SCAP: variants seen among roughly 807,000 people sequenced by gnomAD.
SCAP encodes sterol regulatory element-binding protein cleavage-activating protein.
SCAP carries 65 observed loss-of-function variants against 123.6 expected under a neutral mutation model. The observed-to-expected ratio is 0.53, with a 90% CI of 0.43 to 0.65. The LOEUF (loss-of-function observed/expected upper bound fraction) is 0.65, where lower values mean the gene tolerates loss of function less well. SCAP is among the 30% of genes least tolerant of loss of function. The pLI, the probability that SCAP is intolerant of heterozygous loss-of-function variation, is 0.00. For synonymous variants in SCAP, 740 were observed against 726.3 expected, an observed-to-expected ratio of 1.02 and a Z score of -0.30; for missense variants, 1,398 against 1,712.5, an observed-to-expected ratio of 0.82 and a Z score of 3.24.
chr3:47,462,329 GCCTCTGCCCCATCAGCTATACAA>G (rs760585816), intron 1 of SCAP, among the ~76,000 whole-genome samples: 1 of 152,052 alleles, frequency 6.6e-6, no homozygotes, highest in African/African-American at 2.4e-5. Context: ...TCATCTGACA[GCCTCTGCCCCATCAGCTATACAA>G]CCTCTGCCCC....
intron 2 of SCAP, among the ~76,000 whole-genome samples, chr3:47,435,787 G>A (rs571305080): frequency 1.5e-3 from 234 of 152,246 alleles, no homozygotes; most frequent in Non-Finnish European, 2.9e-3. Flanking sequence ...AGTGGGTTAT[G>A]CCTGTAACCC....
chr3:47,470,203 T>C (rs1707978997), intron 1 of SCAP, among the ~76,000 whole-genome samples: 2 of 152,190 alleles, frequency 1.3e-5, no homozygotes, highest in African/African-American at 4.8e-5. Context: ...CCATTACCAG[T>C]CTTATTGCTG....
rs1188992532 is a variant in SCAP, at chr3:47,469,994, A to C, written c.-99+5805T>G. ...AAATGCTTTTAAATTAAAATAACCA[A>C]GGCATTCGAACAAAATATCGTTTGG... On this transcript the variant is annotated intron_variant, in intron 1 of 22. Transcript: ENST00000265565. 9.0e-6 allele frequency: 3 copies of C among 332,248 alleles called. No individual in the cohort carries two copies. In the East Asian group the frequency reaches 2.3e-4, roughly 26 times the overall value. 20.6% of individuals were successfully genotyped at this position (332,248 alleles called of 1,614,324 possible). A position where few individuals can be genotyped will look rare whatever the true frequency, so the allele number is the denominator to read the frequency against.
At chr3:47,446,412 C>CT (rs1707044480) in intron 1 of SCAP, among the ~76,000 whole-genome samples, 1 of 152,062 alleles carries the variant, frequency 6.6e-6, no homozygotes, top group Admixed American at 6.5e-5. Context: ...ACCTCATGAT[C>CT]TGCCCTCCTT....
chr3:47,424,852 T>C (rs567068047), intron 8 of SCAP, among the ~76,000 whole-genome samples: 6 of 152,168 alleles, frequency 3.9e-5, no homozygotes, highest in South Asian at 2.1e-4. Flanking sequence ...TAACCATTAA[T>C]AGACAGGCAG....
At position 47,415,204 on chromosome 3, in the gene SCAP, G is replaced by A. The variant is rs373086632; in HGVS notation, c.3057-24C>T. On this transcript the variant is annotated intron_variant, in intron 18 of 22. Coordinates refer to ENST00000265565, the MANE Select transcript of SCAP (RefSeq NM_012235.4). ...TCCTGGAAGAGAAGAACAGCTGCCAGGGGCCTCTCCCTTAGAGCCCCAGCC... is the reference window on the plus strand; with the variant it reads ...TCCTGGAAGAGAAGAACAGCTGCCAAGGGCCTCTCCCTTAGAGCCCCAGCC... 95 of 1,595,144 alleles carry A rather than the reference G, an allele frequency of 6.0e-5. 1 individual carries two copies. In the African/African-American group the frequency reaches 1.1e-3, roughly 19 times the overall value.
chr3:47,442,734 C>T, intron 2 of SCAP, 138 bp downstream of exon 2: 2 of 712,258 alleles, frequency 2.8e-6, no homozygotes, highest in Non-Finnish European at 4.7e-6. Context: ...TAGAGTTCTC[C>T]ACTCACAGTT....
rs1201740098 is a variant in SCAP at position 47,445,897 on chromosome 3, G to A, written c.-98-2806C>T. Among the ~76,000 whole-genome samples the A allele has an allele frequency of 4.4e-5, 6 of 135,096 alleles. No individual in the cohort carries two copies. In the South Asian group the frequency reaches 1.4e-3, roughly 32 times the overall value. 88.6% of individuals were successfully genotyped at this position (135,096 alleles called of 152,430 possible). A position where few individuals can be genotyped will look rare whatever the true frequency, so the allele number is the denominator to read the frequency against. On this transcript the variant is annotated intron_variant, in intron 1 of 22. Transcript: ENST00000265565. Reference sequence around the variant, plus strand: ...CAATTTTTTTTTTTTTTTTTTTTGAGACAGAGTCTTGCTCTGTCACCAGGC... The same window carrying A: ...CAATTTTTTTTTTTTTTTTTTTTGAAACAGAGTCTTGCTCTGTCACCAGGC...
rs576504539 is a variant in SCAP, at chr3:47,424,705, T to G, written c.1038-660A>C. ...GCAGACGGTATGGGGGAGGGTGGTGTTTAACAGTGTCAAGCTCAGGAAAGG... is the reference window on the plus strand; with the variant it reads ...GCAGACGGTATGGGGGAGGGTGGTGGTTAACAGTGTCAAGCTCAGGAAAGG... On this transcript the variant is annotated intron_variant, in intron 8 of 22. Transcript: ENST00000265565. Among the ~76,000 whole-genome samples, 5 of 152,170 alleles carry G rather than the reference T, an allele frequency of 3.3e-5. No homozygotes were observed. The East Asian group carries it at 5.8e-4, about 18-fold the overall frequency.
At chr3:47,441,999 C>G (rs1706827318) in intron 2 of SCAP, among the ~76,000 whole-genome samples, 1 of 151,368 alleles carries the variant, frequency 6.6e-6, no homozygotes, top group African/African-American at 2.4e-5. Context: ...AGCACTGCAC[C>G]TGGCCAAAGT....
Position 47,418,473 on chromosome 3 carries a change from G to A in SCAP, c.2179C>T (p.Leu727Phe). The A allele has an allele frequency of 3.1e-6, 5 of 1,599,986 alleles. No homozygotes were observed. Among genetic ancestry groups the A allele is most frequent in the Non-Finnish European group, 4.3e-6 (5 of 1,175,376 alleles). ...ATGIVLVLLL[L>F]CLYRVLCPRN... The stretch of plus-strand genomic sequence containing the variant: ...GGGCATAGCACGCGGTAGAGGCAGA[G>A]CAGCAGCAGCACCAAGACGATGCCG... The change falls in exon 15 of 23, where the codon CTC (leucine) becomes TTC (phenylalanine). Residue 727 changes from leucine to phenylalanine, a missense_variant. Leu to Phe is a conservative substitution (Grantham distance 22). Around this residue, in one of 7 missense-constraint regions of SCAP, gnomAD observed 828 missense variants for 882.5 expected, o/e 0.94. Coordinates refer to ENST00000265565, the MANE Select transcript of SCAP (RefSeq NM_012235.4).
rs375803328 is a variant in SCAP at position 47,423,928 on chromosome 3, G to A, written c.1150+5C>T. The A allele has an allele frequency of 6.2e-5, 100 of 1,609,614 alleles. No homozygotes were observed. In the African/African-American group the frequency reaches 1.2e-3, roughly 19 times the overall value. On this transcript the variant is annotated splice_donor_5th_base_variant and intron_variant, in intron 9 of 22. Transcript: ENST00000265565. Reference sequence around the variant, plus strand: ...GCCCTCTGCCCAACTCTCCCACTGCGTTACCTTGGGCGATCCGCAGCTTCA... The same window carrying A: ...GCCCTCTGCCCAACTCTCCCACTGCATTACCTTGGGCGATCCGCAGCTTCA...
At position 47,425,624 on chromosome 3, in the gene SCAP, G is replaced by A. The variant is rs375455456; in HGVS notation, c.911-13C>T. On this transcript the variant is annotated splice_polypyrimidine_tract_variant and intron_variant, in intron 7 of 22. Transcript: ENST00000265565. ...ATGTCGATCTTCCCTGGAGGGCAGAGAGGGCGTATCAGGGCGGCCCCTCCC... is the reference window on the plus strand; with the variant it reads ...ATGTCGATCTTCCCTGGAGGGCAGAAAGGGCGTATCAGGGCGGCCCCTCCC... 3.3e-5 allele frequency: 54 copies of A among 1,613,584 alleles called. No individual in the cohort carries two copies. The African/African-American group carries it at 6.9e-4, about 21-fold the overall frequency.
rs193098010 is a variant in SCAP, at chr3:47,446,122, C to A, written c.-98-3031G>T. On this transcript the variant is annotated intron_variant, in intron 1 of 22. Coordinates refer to ENST00000265565, the MANE Select transcript of SCAP (RefSeq NM_012235.4). ...ATCTCTTGACCTCGTGATCTGACCG[C>A]CTCAGCCTCCCAAAGTGCTGAGATT... 4.5e-3 allele frequency among the ~76,000 whole-genome samples: 684 copies of A among 151,510 alleles called. 8 individuals are homozygous for A. Among genetic ancestry groups the A allele is most frequent in the Middle Eastern group, 0.017 (5 of 294 alleles).
At chr3:47,445,931 G>C (rs1161205448) in intron 1 of SCAP, among the ~76,000 whole-genome samples, 3 of 145,286 alleles carry the variant, frequency 2.1e-5, no homozygotes, top group South Asian at 4.4e-4. Flanking sequence ...GCTGGAGTGC[G>C]GTGGTGCGAT....
Position 47,448,024 on chromosome 3 carries a change from A to C in SCAP, c.-98-4933T>G, listed in dbSNP as rs1251146499. ...TCTCAAAAAAAAAAAAAAAAAAAAA[A>C]AAAAAAAAACTTGATAGAATTTTGA... is the stretch of plus-strand genomic sequence containing the variant. On this transcript the variant is annotated intron_variant, in intron 1 of 22. Transcript: ENST00000265565. Among the ~76,000 whole-genome samples, 5 of 151,650 alleles carry C rather than the reference A, an allele frequency of 3.3e-5. No individual in the cohort carries two copies. The South Asian group carries it at 6.2e-4, about 19-fold the overall frequency.
chr3:47,464,241 C>A (rs900050002), intron 1 of SCAP, among the ~76,000 whole-genome samples: 3 of 152,092 alleles, frequency 2.0e-5, no homozygotes, highest in African/African-American at 7.2e-5. Flanking sequence ...GTCTTGAACT[C>A]CTGATCTCAG....
intron 18 of SCAP, 50 bp from the exon 19 acceptor site, chr3:47,415,230 C>T (rs754184027): frequency 1.3e-6 from 2 of 1,541,794 alleles, no homozygotes; most frequent in Non-Finnish European, 1.8e-6. Context: ...AGCCCCAGCC[C>T]TGGGGCTGAG....
intron 9 of SCAP, 55 bp from the exon 10 acceptor site, chr3:47,422,591 C>T: frequency 7.1e-7 from 1 of 1,409,136 alleles, no homozygotes; most frequent in African/African-American, 1.4e-5. Flanking sequence ...TGCGACATGA[C>T]TCACACAACC....
Sources: gnomAD v4.1 joint callset for allele counts (sites outside exome capture counted in the v4.1 genomes callset) on GRCh38, gnomAD v4.1.1 for gene constraint, gnomAD v4.1.1 regional missense constraint, MANE v1.5 for transcripts, NCBI Gene and HGNC (gene_info 2026-07-23, HGNC 2026-07-21) for gene names.